Variants in ARID4A observed in about 807,000 individuals in gnomAD.
ARID4A encodes the protein AT-rich interactive domain-containing protein 4A.
ARID4A carries 39 observed loss-of-function variants against 148.6 expected under a neutral mutation model. The ratio of observed to expected loss-of-function variants is 0.26; its 90% CI spans 0.20 to 0.34. ARID4A has a LOEUF of 0.34. Ranked by LOEUF, ARID4A falls within the 10% of genes least tolerant of loss-of-function variation. The probability of loss-of-function intolerance (pLI) is 1.00; values close to 1 mark genes in which losing one functional copy is unlikely to be tolerated. For synonymous variants in ARID4A, 475 were observed against 481.2 expected (o/e 0.99, Z 0.17); for missense variants, 1,265 against 1,449.1 (o/e 0.87, Z 2.06).
At chr14:58,303,983 A>C (rs1951204) in intron 3 of ARID4A, among the ~76,000 whole-genome samples, 106,644 of 151,548 alleles carry the variant, frequency 0.7, 37,914 homozygotes, top group Middle Eastern at 0.87. Context: ...TGGTGGTGCA[A>C]ACCTGTAATC....
Position 58,325,856 on chromosome 14 carries a change from G to GT in ARID4A, c.582+2250dup, listed in dbSNP as rs34825418. On this transcript the variant is annotated intron_variant, in intron 8 of 23. Coordinates refer to ENST00000355431, the MANE Select transcript of ARID4A (RefSeq NM_002892.4). Reference sequence around the variant, plus strand: ...TATTCAGATTGTAGGTTTGCCAAGAGTTTTTTTTTTTAATAACAAATTCTT... The same window carrying GT: ...TATTCAGATTGTAGGTTTGCCAAGAGTTTTTTTTTTTTAATAACAAATTCTT... 2.1e-3 allele frequency among the ~76,000 whole-genome samples: 298 copies of GT among 144,724 alleles called. 1 individual carries two copies. The highest frequency in any genetic ancestry group is 4.9e-3 in the African/African-American group (196 of 39,598). 94.9% of individuals were successfully genotyped at this position (144,724 alleles called of 152,430 possible).
At chr14:58,357,374 A>T (rs2034924542) in intron 17 of ARID4A, among the ~76,000 whole-genome samples, 1 of 152,196 alleles carries the variant, frequency 6.6e-6, no homozygotes, top group South Asian at 2.1e-4. Context: ...GTACCATGTC[A>T]ACTGAAATAC....
chr14:58,365,908 T>A (rs1480191114), intron 21 of ARID4A, 116 bp from the exon 22 acceptor site: 1 of 933,124 alleles, frequency 1.1e-6, no homozygotes, highest in Non-Finnish European at 1.6e-6. Flanking sequence ...ATAAACTTTG[T>A]GCATTTGTGC....
intron 23 of ARID4A, among the ~76,000 whole-genome samples, chr14:58,369,145 A>G (rs1410509967): frequency 6.6e-6 from 1 of 152,202 alleles, no homozygotes; most frequent in Non-Finnish European, 1.5e-5. Context: ...TGGCGAGGAG[A>G]TCCAACTTCT....
chr14:58,353,067 A>G (rs1359270430), intron 16 of ARID4A, among the ~76,000 whole-genome samples: 1 of 152,178 alleles, frequency 6.6e-6, no homozygotes, highest in African/African-American at 2.4e-5. Flanking sequence ...AGTTTAAAAG[A>G]CATGGTTACT....
chr14:58,360,945 G>A lies in ARID4A; in HGVS notation c.1983G>A (p.Arg661=). The A allele has an allele frequency of 1.2e-6, 2 of 1,614,132 alleles. No individual in the cohort carries two copies. Among genetic ancestry groups the A allele is most frequent in the Non-Finnish European group, 1.7e-6 (2 of 1,180,022 alleles). The change falls in exon 19 of 24, where the codon AGG becomes AGA. Residue 661 remains arginine (R), a synonymous_variant. Coordinates refer to ENST00000355431, the MANE Select transcript of ARID4A (RefSeq NM_002892.4). ...SEKDEKRDEE[R]QKSKRGRPPL... is the part of the protein sequence containing the mutation. ...AGGACGAAAAGAGAGATGAGGAGAG[G>A]CAGAAGTCAAAACGGGGACGACCTC...
chr14:58,313,468 G>A (rs2032193775), intron 5 of ARID4A, among the ~76,000 whole-genome samples: 2 of 152,284 alleles, frequency 1.3e-5, no homozygotes, highest in South Asian at 4.1e-4. Flanking sequence ...GTGGAGCTCA[G>A]GTGGTAATGC....
intron 21 of ARID4A, 109 bp from the exon 22 acceptor site, chr14:58,365,915 G>T (rs1039565666): frequency 1.0e-6 from 1 of 983,372 alleles, no homozygotes; most frequent in African/African-American, 1.7e-5. Flanking sequence ...TTGTGCATTT[G>T]TGCACTTATT....
intron 23 of ARID4A, among the ~76,000 whole-genome samples, chr14:58,367,417 A>G (rs145580336): frequency 1.6e-4 from 24 of 152,382 alleles, no homozygotes; most frequent in African/African-American, 5.8e-4. Flanking sequence ...GGGATTATAA[A>G]TCATTTCCTA....
In ARID4A at chr14:58,372,831, A is replaced by G; in HGVS notation, c.*842A>G. On this transcript the variant is annotated 3_prime_UTR_variant, in exon 24 of 24. Transcript: ENST00000355431. Reference sequence around the variant, plus strand: ...TCTAAAGCTGAAATTTTTGTGTAAAATAAGGTATTATCTTGCAACTTGTTA... The same window carrying G: ...TCTAAAGCTGAAATTTTTGTGTAAAGTAAGGTATTATCTTGCAACTTGTTA... The G allele has an allele frequency of 5.6e-6, 1 of 179,350 alleles. No individual in the cohort carries two copies. The highest frequency in any genetic ancestry group is 9.4e-5 in the East Asian group (1 of 10,590). The allele number at this position is 179,350 out of a possible 1,614,324, so 11.1% of individuals were successfully genotyped here. A position where few individuals can be genotyped will look rare whatever the true frequency, so the allele number is the denominator to read the frequency against.
At chr14:58,353,974 T>C in intron 17 of ARID4A, 119 bp downstream of exon 17, 1 of 904,364 alleles carries the variant, frequency 1.1e-6, no homozygotes, top group Non-Finnish European at 1.7e-6. Context: ...CACACCTTGG[T>C]TCTGAATTTT....
chr14:58,310,663 C>A (rs1393235127), intron 5 of ARID4A, among the ~76,000 whole-genome samples: 1 of 150,226 alleles, frequency 6.7e-6, no homozygotes, highest in Non-Finnish European at 1.5e-5. Context: ...ATTGTCAAAC[C>A]ACTAGAAGAA....
At chr14:58,317,171 G>T (rs1163861032) in intron 5 of ARID4A, among the ~76,000 whole-genome samples, 2 of 145,668 alleles carry the variant, frequency 1.4e-5, no homozygotes, top group African/African-American at 2.5e-5. Context: ...CCAGCCTGGG[G>T]GACAGAGTGA....
chr14:58,330,494 A>C (rs2033463044), intron 11 of ARID4A, among the ~76,000 whole-genome samples: 1 of 152,178 alleles, frequency 6.6e-6, no homozygotes, highest in South Asian at 2.1e-4. Flanking sequence ...TAACTCATTT[A>C]AACTACTACC....
intron 23 of ARID4A, among the ~76,000 whole-genome samples, chr14:58,368,113 T>C (rs1424869564): frequency 6.6e-6 from 1 of 152,046 alleles, no homozygotes; most frequent in Non-Finnish European, 1.5e-5. Flanking sequence ...AATGAGGAAA[T>C]CAGTAGGCCT....
At chr14:58,305,876 C>T in intron 4 of ARID4A, 146 bp from the exon 5 acceptor site, 1 of 616,878 alleles carries the variant, frequency 1.6e-6, no homozygotes, top group Non-Finnish European at 2.9e-6. Flanking sequence ...TAGATAAGTA[C>T]TATGAATGAT....
intron 21 of ARID4A, 75 bp from the exon 22 acceptor site, chr14:58,365,949 A>T: frequency 8.2e-7 from 1 of 1,222,842 alleles, no homozygotes; most frequent in Non-Finnish European, 1.2e-6. Flanking sequence ...AAGAAATGTA[A>T]TTGTTAGGTC....
rs148270372 is a variant in ARID4A at position 58,360,556 on chromosome 14, G to A, written c.1939-345G>A. ...TCTGCAGGGGATAGTAGGGAACAGC[G>A]GGGAGTGCGGAATAGTTGTATAGTC... On this transcript the variant is annotated intron_variant, in intron 18 of 23. Coordinates refer to ENST00000355431, the MANE Select transcript of ARID4A (RefSeq NM_002892.4). 2.6e-3 allele frequency among the ~76,000 whole-genome samples: 403 copies of A among 152,252 alleles called. 1 individual carries two copies. The highest frequency in any genetic ancestry group is 2.6e-3 in the Non-Finnish European group (177 of 68,012).
intron 16 of ARID4A, among the ~76,000 whole-genome samples, chr14:58,352,816 G>A (rs2034698611): frequency 6.6e-6 from 1 of 152,076 alleles, no homozygotes; most frequent in Admixed American, 6.5e-5. Flanking sequence ...AGTCTTTACA[G>A]GATTGATACA....
Sources: allele counts gnomAD v4.1 joint callset (sites outside exome capture counted in the v4.1 genomes callset), GRCh38; gene constraint gnomAD v4.1.1; transcripts MANE v1.5; gene names NCBI Gene and HGNC (gene_info 2026-07-23, HGNC 2026-07-21).